The following MEIKIN variants were observed in gnomAD, a reference collection of about 807,000 sequenced individuals.
MEIKIN encodes meiosis-specific kinetochore protein.
chr5:131,844,007 G>A (rs143064185), intron 11 of MEIKIN, among the ~76,000 whole-genome samples: 65 of 152,308 alleles, frequency 4.3e-4, no homozygotes, highest in African/African-American at 1.3e-3. Flanking sequence ...TGGCTGGGGA[G>A]GCCTCAGGAA....
intron 4 of MEIKIN, among the ~76,000 whole-genome samples, chr5:131,941,130 C>T (rs1329788800): frequency 7.7e-6 from 1 of 130,250 alleles, no homozygotes; most frequent in Non-Finnish European, 1.6e-5. Flanking sequence ...ACAATTCCTT[C>T]AAGATCTCTT....
intron 8 of MEIKIN, among the ~76,000 whole-genome samples, chr5:131,880,526 G>A (rs912387074): frequency 1.3e-5 from 2 of 152,162 alleles, no homozygotes; most frequent in Non-Finnish European, 2.9e-5. Context: ...ACAGGCGTAA[G>A]CCATGATACC....
intron 9 of MEIKIN, among the ~76,000 whole-genome samples, chr5:131,856,185 G>A (rs534240565): frequency 2.6e-5 from 4 of 152,182 alleles, no homozygotes; most frequent in South Asian, 4.1e-4. Flanking sequence ...TTTAGTTTTC[G>A]CATTTCAACA....
At chr5:131,890,732 TCTTA>T (rs1397731709) in intron 8 of MEIKIN, among the ~76,000 whole-genome samples, 1 of 152,236 alleles carries the variant, frequency 6.6e-6, no homozygotes, top group Non-Finnish European at 1.5e-5. Context: ...GCTGCTCTGA[TCTTA>T]CTTATTTCTT....
chr5:131,940,766 C>T (rs561029336), intron 4 of MEIKIN, among the ~76,000 whole-genome samples: 3 of 152,144 alleles, frequency 2.0e-5, no homozygotes, highest in South Asian at 2.1e-4. Context: ...CCTAACTGTC[C>T]GGCCAGTGTC....
intron 12 of MEIKIN, among the ~76,000 whole-genome samples, chr5:131,814,404 A>G (rs1045586851): frequency 2.0e-5 from 3 of 151,788 alleles, no homozygotes; most frequent in Non-Finnish European, 4.4e-5. Flanking sequence ...CAGCCTCCCA[A>G]GTAGCTGGAA....
chr5:131,838,258 T>C (rs1426861230), intron 11 of MEIKIN, among the ~76,000 whole-genome samples: 1 of 152,166 alleles, frequency 6.6e-6, no homozygotes, highest in Non-Finnish European at 1.5e-5. Context: ...AGTTTGCCCA[T>C]ATTTTGTTGA....
chr5:131,855,994 A>T (rs1750185945), intron 9 of MEIKIN, among the ~76,000 whole-genome samples: 1 of 152,158 alleles, frequency 6.6e-6, no homozygotes, highest in African/African-American at 2.4e-5. Flanking sequence ...TGTCTCTTGT[A>T]AGATGTCAAG....
At chr5:131,923,778 A>G (rs1156525943) in intron 5 of MEIKIN, among the ~76,000 whole-genome samples, 1 of 151,706 alleles carries the variant, frequency 6.6e-6, no homozygotes, top group East Asian at 1.9e-4. Context: ...TCCTTGTTTC[A>G]AGATTTTTTT....
intron 12 of MEIKIN, among the ~76,000 whole-genome samples, chr5:131,817,578 T>C (rs1773124616): frequency 6.7e-6 from 1 of 150,312 alleles, no homozygotes; most frequent in Admixed American, 6.6e-5. Flanking sequence ...ATTGCGCCAC[T>C]GCACTCCAGC....
rs1751422478 is a variant in MEIKIN, at chr5:131,916,873, T to G, written c.638+13A>C. On this transcript the variant is annotated intron_variant, in intron 7 of 12. Coordinates refer to ENST00000442687, the MANE Select transcript of MEIKIN (RefSeq NM_001303622.2). ...TTCAGAAGCTCAACAATTTTAAAAT[T>G]TTTAGTTCTTACGTTTTTCTATGGC... 2.5e-6 allele frequency: 1 copy of G among 397,108 alleles called. No homozygotes were observed. The allele number at this position is 397,108 out of a possible 1,614,324, so 24.6% of individuals were successfully genotyped here. A position where few individuals can be genotyped will look rare whatever the true frequency, so the allele number is the denominator to read the frequency against.
chr5:131,877,195 T>G (rs969270999), intron 9 of MEIKIN, among the ~76,000 whole-genome samples: 48 of 151,752 alleles, frequency 3.2e-4, no homozygotes, highest in Middle Eastern at 3.2e-3. Flanking sequence ...AAAAGTTGAA[T>G]TTTTTTTAAT....
At chr5:131,894,275 A>G (rs1350337277) in intron 8 of MEIKIN, among the ~76,000 whole-genome samples, 1 of 152,232 alleles carries the variant, frequency 6.6e-6, no homozygotes, top group Non-Finnish European at 1.5e-5. Flanking sequence ...TTTTGGTACC[A>G]GTACCACACT....
chr5:131,849,975 A>G (rs948812641), intron 11 of MEIKIN, among the ~76,000 whole-genome samples: 3 of 152,128 alleles, frequency 2.0e-5, no homozygotes, highest in Non-Finnish European at 4.4e-5. Flanking sequence ...GCAAATTAAC[A>G]GGACACAAAG....
chr5:131,836,527 GT>G (rs1247806123), intron 11 of MEIKIN, among the ~76,000 whole-genome samples: 1 of 152,112 alleles, frequency 6.6e-6, no homozygotes, highest in Admixed American at 6.5e-5. Context: ...GTGTATGACT[GT>G]TCCTTTTTCT....
intron 11 of MEIKIN, among the ~76,000 whole-genome samples, chr5:131,846,603 T>G (rs1216505799): frequency 6.6e-6 from 1 of 152,180 alleles, no homozygotes; most frequent in Admixed American, 6.5e-5. Context: ...GGCAGACTGC[T>G]TAGGCCCAGG....
chr5:131,876,265 C>T (rs1230935282), intron 9 of MEIKIN, among the ~76,000 whole-genome samples: 2 of 151,834 alleles, frequency 1.3e-5, no homozygotes, highest in Admixed American at 6.6e-5. Context: ...GGGCTAATAT[C>T]CAGAATCTAC....
chr5:131,899,506 T>G (rs1230319872), intron 8 of MEIKIN, among the ~76,000 whole-genome samples: 6 of 148,564 alleles, frequency 4.0e-5, no homozygotes, highest in African/African-American at 1.0e-4. Flanking sequence ...TGGGCTACAC[T>G]GTCCAATCAA....
intron 12 of MEIKIN, among the ~76,000 whole-genome samples, chr5:131,813,528 G>A (rs1231012426): frequency 6.6e-6 from 1 of 150,770 alleles, no homozygotes; most frequent in Non-Finnish European, 1.5e-5. Flanking sequence ...CCGGGTTCAC[G>A]CCATTCTCCT....
Sources: gnomAD v4.1 joint callset for allele counts (sites outside exome capture counted in the v4.1 genomes callset) on GRCh38, gnomAD v4.1.1 for gene constraint, MANE v1.5 for transcripts, NCBI Gene and HGNC (gene_info 2026-07-23, HGNC 2026-07-21) for gene names.